NEBL: variants seen among roughly 807,000 people sequenced by gnomAD.
NEBL encodes nebulette, also known as LIM and SH3 protein 2.
In NEBL, 122 loss-of-function variants were observed where a neutral mutation model predicts 140.2. The observed-to-expected ratio is 0.87, with a 90% CI of 0.75 to 1.01. The LOEUF (loss-of-function observed/expected upper bound fraction) is 1.01, where lower values mean the gene tolerates loss of function less well. Ranked by LOEUF, NEBL falls within the 50% of genes least tolerant of loss-of-function variation. The probability of loss-of-function intolerance (pLI) is 0.00; values close to 1 mark genes in which losing one functional copy is unlikely to be tolerated. For synonymous variants in NEBL, 436 were observed against 398.9 expected, an observed-to-expected ratio of 1.09 and a Z score of -1.11; for missense variants, 1,365 against 1,231.3, an observed-to-expected ratio of 1.11 and a Z score of -1.62.
At chr10:20,940,397 G>A (rs910360226) in intron 4 of NEBL, among the ~76,000 whole-genome samples, 1 of 146,318 alleles carries the variant, frequency 6.8e-6, no homozygotes, top group African/African-American at 2.6e-5. Context: ...CGAGAACAAA[G>A]ATACAACATA....
In NEBL at chr10:21,252,873, T is replaced by A. The variant is rs183723793; in HGVS notation, n.183-1045A>T. ...GGGAGGCTGAGGCAGGAGAATCACT[T>A]GAACCCGGGAGGTGAAGGCTGTGGT... On this transcript the variant is annotated intron_variant and non_coding_transcript_variant, in intron 1 of 8. Coordinates refer to the NEBL transcript ENST00000675702. Among the ~76,000 whole-genome samples the A allele has an allele frequency of 3.0e-4, 46 of 152,146 alleles. 1 individual carries two copies. In the East Asian group the frequency reaches 7.2e-3, roughly 24 times the overall value.
intron 3 of NEBL, among the ~76,000 whole-genome samples, chr10:20,993,138 CTACGTGACGTTTTAA>C (rs1837533419): frequency 6.6e-6 from 1 of 151,986 alleles, no homozygotes. Context: ...ACAATCGTGT[CTACGTGACGTTTTAA>C]AACATGTAAA....
chr10:21,119,475 A>ATATTCATATACTGAATATAACATATAT (rs1838425611), intron 2 of NEBL, among the ~76,000 whole-genome samples: 1 of 147,428 alleles, frequency 6.8e-6, no homozygotes, highest in African/African-American at 2.5e-5. Flanking sequence ...TAACATATAT[A>ATATTCATATACTGAATATAACATATAT]GTTATATTAA....
intron 1 of NEBL, among the ~76,000 whole-genome samples, chr10:21,277,545 T>C (rs866861721): frequency 9.2e-5 from 14 of 152,168 alleles, no homozygotes; most frequent in African/African-American, 3.1e-4. Flanking sequence ...GTTTCCACAT[T>C]GGTCAAATGG....
At chr10:21,132,768 C>T (rs1041851519) in intron 2 of NEBL, among the ~76,000 whole-genome samples, 6 of 152,066 alleles carry the variant, frequency 3.9e-5, no homozygotes, top group Non-Finnish European at 2.9e-5. Context: ...GTTTATTGAC[C>T]GTGAATCTTC....
intron 2 of NEBL, among the ~76,000 whole-genome samples, chr10:21,112,587 C>CG (rs1395626180): frequency 2.1e-3 from 34 of 16,276 alleles, no homozygotes; most frequent in African/African-American, 8.9e-3. Context: ...TGGGGCCTGT[C>CG]GGGGGGTGGG....
upstream of NEBL, among the ~76,000 whole-genome samples, chr10:20,902,113 T>A (rs569885488): frequency 6.6e-6 from 1 of 152,020 alleles, no homozygotes; most frequent in East Asian, 1.9e-4. Context: ...TATTAAGATT[T>A]AATAAGGTGG....
chr10:20,863,878 G>A (rs893565254), intron 7 of NEBL, among the ~76,000 whole-genome samples: 6 of 152,168 alleles, frequency 3.9e-5, no homozygotes, highest in South Asian at 2.1e-4. Flanking sequence ...TTAAATTGGC[G>A]AGTCAGGAAC....
intron 3 of NEBL, among the ~76,000 whole-genome samples, chr10:21,216,791 A>G (rs1841998422): frequency 6.7e-6 from 1 of 149,840 alleles, no homozygotes; most frequent in Non-Finnish European, 1.5e-5. Flanking sequence ...AAAGAAAAAG[A>G]AAAAAGAAAA....
At chr10:20,881,038 A>G in intron 4 of NEBL, 134 bp from the exon 5 acceptor site, 1 of 723,054 alleles carries the variant, frequency 1.4e-6, no homozygotes, top group Non-Finnish European at 2.5e-6. Context: ...CTCTGTAACA[A>G]GACAATATCC....
chr10:21,087,764 G>A (rs1406790901), intron 2 of NEBL, among the ~76,000 whole-genome samples: 1 of 152,114 alleles, frequency 6.6e-6, no homozygotes, highest in African/African-American at 2.4e-5. Flanking sequence ...CCTGACCTCG[G>A]TATAATTGAG....
At chr10:21,083,748 G>A (rs538858784) in intron 2 of NEBL, among the ~76,000 whole-genome samples, 2 of 152,200 alleles carry the variant, frequency 1.3e-5, no homozygotes, top group East Asian at 3.9e-4. Context: ...AGGAGGCTGA[G>A]GCAAGAGGAT....
intron 2 of NEBL, among the ~76,000 whole-genome samples, chr10:21,120,782 C>G (rs184363887): frequency 6.6e-6 from 1 of 150,976 alleles, no homozygotes; most frequent in Admixed American, 6.6e-5. Context: ...GAAGAACACA[C>G]GCCCAAGTGA....
At chr10:21,235,984 CT>C (rs1842342367) in intron 3 of NEBL, among the ~76,000 whole-genome samples, 1 of 152,176 alleles carries the variant, frequency 6.6e-6, no homozygotes. Context: ...GTTGCACAGT[CT>C]TATGGCCCCT....
chr10:21,084,848 A>G lies in NEBL; in HGVS notation c.165-64647T>C, dbSNP rs1479672301. The stretch of plus-strand genomic sequence containing the variant: ...AGAACCCGGTTGCTGCCAAGACTCA[A>G]CATGACTTTACCACCTGGTCTGGTC... On this transcript the variant is annotated intron_variant, in intron 2 of 6. Transcript: ENST00000417816. Among the ~76,000 whole-genome samples the G allele has an allele frequency of 2.0e-5, 3 of 152,292 alleles. No individual in the cohort carries two copies. The East Asian group carries it at 5.8e-4, about 29-fold the overall frequency.
intron 1 of NEBL, among the ~76,000 whole-genome samples, chr10:21,291,002 G>A (rs74123941): frequency 0.063 from 9,627 of 152,128 alleles, 359 homozygotes; most frequent in Admixed American, 0.097. Flanking sequence ...TCTCCTCACC[G>A]CTACACCCAC....
intron 3 of NEBL, among the ~76,000 whole-genome samples, chr10:20,977,954 C>T (rs577809178): frequency 1.3e-5 from 2 of 152,114 alleles, no homozygotes; most frequent in African/African-American, 2.4e-5. Context: ...GGATCTGCCA[C>T]GAAAAGAATA....
intron 1 of NEBL, among the ~76,000 whole-genome samples, chr10:21,288,842 A>T (rs1216381174): frequency 2.0e-4 from 17 of 84,090 alleles, no homozygotes; most frequent in African/African-American, 8.8e-4. Flanking sequence ...ATATATATAT[A>T]TATATATAAA....
chr10:20,821,441 A>C (rs766083883), intron 19 of NEBL, among the ~76,000 whole-genome samples: 36 of 152,298 alleles, frequency 2.4e-4, no homozygotes, highest in Non-Finnish European at 4.1e-4. Context: ...GTGTTATCCA[A>C]ATTTCCCAAA....
Sources: allele counts gnomAD v4.1 joint callset (sites outside exome capture counted in the v4.1 genomes callset), GRCh38; gene constraint gnomAD v4.1.1; transcripts MANE v1.5; gene names NCBI Gene and HGNC (gene_info 2026-07-23, HGNC 2026-07-21).